The following FRMD4A variants were observed in gnomAD, a reference collection of about 807,000 sequenced individuals.
FRMD4A encodes FERM domain containing 4A, also known as FERM domain-containing protein 4A.
In FRMD4A, 29 loss-of-function variants were observed where a neutral mutation model predicts 129.1. The observed-to-expected ratio is 0.22, with a 90% CI of 0.17 to 0.31. The LOEUF (loss-of-function observed/expected upper bound fraction) is 0.31, where lower values mean the gene tolerates loss of function less well. Ranked by LOEUF, FRMD4A falls within the 10% of genes least tolerant of loss-of-function variation. The probability of loss-of-function intolerance (pLI) is 1.00; values close to 1 mark genes in which losing one functional copy is unlikely to be tolerated. For missense variants in FRMD4A, 1,272 were observed against 1,375.8 expected, an observed-to-expected ratio of 0.92 and a Z score of 1.19; for synonymous variants, 634 against 571.6, an observed-to-expected ratio of 1.11 and a Z score of -1.56.
intron 5 of FRMD4A, among the ~76,000 whole-genome samples, chr10:13,786,497 T>G (rs546537634): frequency 6.6e-6 from 1 of 152,012 alleles, no homozygotes; most frequent in Non-Finnish European, 1.5e-5. Flanking sequence ...TCCCAGCTAC[T>G]TGGGAGGCTG....
chr10:14,237,611 G>A (rs185098111), intron 2 of FRMD4A, among the ~76,000 whole-genome samples: 35 of 152,298 alleles, frequency 2.3e-4, no homozygotes, highest in Middle Eastern at 6.8e-3. Context: ...GATTACAGAC[G>A]TGAGCCACTG....
chr10:13,791,118 T>A (rs1421194179), intron 5 of FRMD4A, among the ~76,000 whole-genome samples: 3 of 152,152 alleles, frequency 2.0e-5, no homozygotes, highest in Non-Finnish European at 4.4e-5. Context: ...CAATTAAGTT[T>A]GTGGATAAAG....
At chr10:14,142,580 G>A (rs886295968) in intron 2 of FRMD4A, among the ~76,000 whole-genome samples, 1 of 152,212 alleles carries the variant, frequency 6.6e-6, no homozygotes, top group African/African-American at 2.4e-5. Context: ...GCTAACGTTT[G>A]AATCACTATT....
intron 12 of FRMD4A, among the ~76,000 whole-genome samples, chr10:13,715,013 T>A (rs1361993380): frequency 6.6e-6 from 1 of 151,718 alleles, no homozygotes; most frequent in Non-Finnish European, 1.5e-5. Context: ...CACTCCAGCC[T>A]GGGCGACAGA....
At chr10:13,931,486 A>G (rs2095194163) in intron 2 of FRMD4A, among the ~76,000 whole-genome samples, 3 of 152,106 alleles carry the variant, frequency 2.0e-5, no homozygotes, top group Admixed American at 2.0e-4. Context: ...TCCACATCTC[A>G]GAGTGGAGAT....
At chr10:14,037,025 C>A (rs1255686887) in intron 2 of FRMD4A, among the ~76,000 whole-genome samples, 1 of 152,178 alleles carries the variant, frequency 6.6e-6, no homozygotes, top group Non-Finnish European at 1.5e-5. Context: ...AAGTTAATTT[C>A]TCTTATACCT....
intron 2 of FRMD4A, among the ~76,000 whole-genome samples, chr10:14,022,526 G>A (rs536854035): frequency 3.9e-5 from 6 of 152,296 alleles, no homozygotes; most frequent in Middle Eastern, 3.4e-3. Flanking sequence ...AATGTTAAAT[G>A]TGATTTAAAT....
intron 2 of FRMD4A, among the ~76,000 whole-genome samples, chr10:14,222,548 T>C (rs1208930212): frequency 6.6e-6 from 1 of 152,120 alleles, no homozygotes; most frequent in Non-Finnish European, 1.5e-5. Flanking sequence ...ATATTCTAAA[T>C]CAAGAGTAGG....
chr10:14,249,547 C>G (rs1261669197), intron 2 of FRMD4A, among the ~76,000 whole-genome samples: 1 of 152,192 alleles, frequency 6.6e-6, no homozygotes, highest in Non-Finnish European at 1.5e-5. Flanking sequence ...GCAGCCGCTT[C>G]CCTTTCCAGA....
chr10:13,875,891 C>A (rs2094484196), intron 2 of FRMD4A, among the ~76,000 whole-genome samples: 1 of 152,102 alleles, frequency 6.6e-6, no homozygotes. Flanking sequence ...CCTGGGCTTA[C>A]CCAAATGGGG....
intron 2 of FRMD4A, among the ~76,000 whole-genome samples, chr10:14,317,139 A>G (rs1846770446): frequency 6.6e-6 from 1 of 152,180 alleles, no homozygotes; most frequent in Admixed American, 6.5e-5. Context: ...CTGCACTCTG[A>G]TCATGTCCTT....
At chr10:13,966,436 G>T (rs913180181) in intron 2 of FRMD4A, among the ~76,000 whole-genome samples, 1 of 152,134 alleles carries the variant, frequency 6.6e-6, no homozygotes, top group African/African-American at 2.4e-5. Context: ...AATAGAAGCC[G>T]CAGGCCCTGC....
chr10:14,139,781 C>T (rs1839742870), intron 2 of FRMD4A, among the ~76,000 whole-genome samples: 1 of 152,176 alleles, frequency 6.6e-6, no homozygotes, highest in Non-Finnish European at 1.5e-5. Context: ...TATTGTTACT[C>T]TTGGGCTTCC....
At chr10:13,649,568 A>G (rs953815478) in intron 24 of FRMD4A, 7 of 138,692 alleles carry the variant, frequency 5.0e-5, no homozygotes, top group Non-Finnish European at 9.5e-5. Context: ...AAAGATGTAA[A>G]GATGTATTTT....
intron 2 of FRMD4A, chr10:14,007,915 T>G: frequency 1.0e-6 from 1 of 965,170 alleles, no homozygotes; most frequent in Non-Finnish European, 1.3e-6. Context: ...AAACTAAAAT[T>G]ACAGATGAGA....
At chr10:13,798,236 C>T (rs1013809138) in intron 4 of FRMD4A, among the ~76,000 whole-genome samples, 2 of 151,890 alleles carry the variant, frequency 1.3e-5, no homozygotes, top group Non-Finnish European at 2.9e-5. Flanking sequence ...CATGGTGAAA[C>T]CCTGTCTCTA....
chr10:14,022,235 C>T (rs1832792722), intron 2 of FRMD4A, among the ~76,000 whole-genome samples: 3 of 152,206 alleles, frequency 2.0e-5, no homozygotes, highest in Admixed American at 6.5e-5. Flanking sequence ...GTCTAAGCTT[C>T]GCAGAGGGGA....
chr10:14,051,949 A>G (rs1834281283), intron 2 of FRMD4A, among the ~76,000 whole-genome samples: 1 of 152,238 alleles, frequency 6.6e-6, no homozygotes. Context: ...ATTTGGGAAT[A>G]GGGTGGTTGC....
intron 2 of FRMD4A, among the ~76,000 whole-genome samples, chr10:14,139,925 C>G (rs1441811804): frequency 6.6e-6 from 1 of 152,158 alleles, no homozygotes; most frequent in Admixed American, 6.5e-5. Context: ...AACACTATAA[C>G]TAGAAGATGG....
Sources: allele counts gnomAD v4.1 joint callset (sites outside exome capture counted in the v4.1 genomes callset), GRCh38; gene constraint gnomAD v4.1.1; transcripts MANE v1.5; gene names NCBI Gene and HGNC (gene_info 2026-07-23, HGNC 2026-07-21).